Variants in DLG3 observed in about 807,000 individuals in gnomAD.
DLG3 encodes the protein discs large MAGUK scaffold protein 3, also known as disks large homolog 3.
DLG3 carries 1 observed loss-of-function variant against 64.1 expected under a neutral mutation model. That is an observed-to-expected ratio of 0.02 (90% CI 0.01 to 0.07). The LOEUF (loss-of-function observed/expected upper bound fraction) is 0.07. DLG3 is among the 10% of genes least tolerant of loss of function. The pLI is 1.00. For synonymous variants in DLG3, 245 were observed against 259.8 expected (o/e 0.94, Z 0.55); for missense variants, 429 against 669.5 (o/e 0.64, Z 3.96).
chrX:70,467,103 A>G (rs185691807), intron 9 of DLG3, among the ~76,000 whole-genome samples: 14 of 110,583 alleles, frequency 1.3e-4, no homozygotes, highest in Admixed American at 6.8e-4. Flanking sequence ...TTTTGTAGAG[A>G]TGGGGTCTCA....
rs2087623432 is a variant in DLG3 at position 70,504,686 on chromosome X, G to A, written c.*2417G>A. On this transcript the variant is annotated 3_prime_UTR_variant, in exon 19 of 19. Coordinates refer to ENST00000374360, the MANE Select transcript of DLG3 (RefSeq NM_021120.4). ...AAGGTGGGAGAGGCCTGCTGTAGCA[G>A]AGGTGTGTGTTAGAGAAAGCAGGGG... is the stretch of plus-strand genomic sequence containing the variant. The A allele has an allele frequency of 8.9e-6, 1 of 112,398 alleles. No homozygotes were observed. The highest frequency in any genetic ancestry group is 3.7e-4 in the South Asian group (1 of 2,704). The allele number at this position is 112,398 out of a possible 1,213,427, so 9.3% of individuals were successfully genotyped here.
chrX:70,476,166 G>C (rs943720477), intron 9 of DLG3, among the ~76,000 whole-genome samples: 2 of 111,896 alleles, frequency 1.8e-5, no homozygotes, highest in Non-Finnish European at 3.8e-5. Context: ...GTTTCTCTGT[G>C]ATTAGCAACT....
At chrX:70,497,499 C>A (rs143961975) in intron 13 of DLG3, among the ~76,000 whole-genome samples, 3 of 112,480 alleles carry the variant, frequency 2.7e-5, no homozygotes, top group African/African-American at 9.7e-5. Context: ...AAGAGTAAAT[C>A]CCTGCCATGG....
chrX:70,454,948 A>C (rs1478219597), intron 9 of DLG3: 9 of 579,877 alleles, frequency 1.6e-5, no homozygotes, highest in Non-Finnish European at 1.7e-5. Context: ...GCTGGGGCCA[A>C]CCGAGGCCCA....
chrX:70,460,294 A>C (rs1169884689), intron 9 of DLG3, among the ~76,000 whole-genome samples: 5 of 108,701 alleles, frequency 4.6e-5, no homozygotes, highest in Admixed American at 9.9e-5. Context: ...AAAAAAAAAA[A>C]AAAAAAAAAA....
intron 9 of DLG3, among the ~76,000 whole-genome samples, chrX:70,466,748 A>T (rs1360137819): frequency 9.0e-6 from 1 of 110,826 alleles, no homozygotes; most frequent in East Asian, 2.8e-4. Flanking sequence ...CCTGTTTTTT[A>T]AATTTTATCT....
chrX:70,470,662 A>G (rs1285358646), intron 9 of DLG3, among the ~76,000 whole-genome samples: 4 of 112,456 alleles, frequency 3.6e-5, no homozygotes, highest in Middle Eastern at 9.2e-3. Flanking sequence ...TCCTGTCTCT[A>G]CAATATTTTC....
In DLG3 at chrX:70,451,881, G is replaced by A; in HGVS notation, c.1000G>A (p.Ala334Thr). The part of the protein sequence containing the change: ...PDYASTFTAL[A>T]DNHISHNSSL... ...CTTGATTCCAGCTTTTACTGCCTTG[G>A]CTGACAACCACATAAGCCATAATTC... The change falls in exon 7 of 19, where the codon GCT becomes ACT. Residue 334 changes from alanine (A) to threonine (T), a missense_variant. Physicochemically the swap from Ala to Thr is moderately conservative, Grantham distance 58. This residue lies in a region of DLG3 where 54 missense variants were observed against 54.4 expected (regional missense o/e 0.99). Coordinates refer to ENST00000374360, the MANE Select transcript of DLG3 (RefSeq NM_021120.4). 1 of 1,211,261 alleles carries A rather than the reference G, an allele frequency of 8.3e-7. No individual in the cohort carries two copies. The highest frequency in any genetic ancestry group is 2.3e-4 in the Middle Eastern group (1 of 4,351).
chrX:70,475,389 G>C (rs969192868), intron 9 of DLG3, among the ~76,000 whole-genome samples: 2 of 111,276 alleles, frequency 1.8e-5, no homozygotes, highest in African/African-American at 6.6e-5. Context: ...ACAGAGTCTT[G>C]CTCTGTCACC....
At chrX:70,477,355 G>A (rs956131586) in intron 9 of DLG3, among the ~76,000 whole-genome samples, 3 of 112,276 alleles carry the variant, frequency 2.7e-5, no homozygotes, top group Admixed American at 9.4e-5. Context: ...TGTCTCACAC[G>A]GTTCTGCCCA....
At chrX:70,480,285 G>A (rs1390745622) in intron 10 of DLG3, among the ~76,000 whole-genome samples, 1 of 112,027 alleles carries the variant, frequency 8.9e-6, no homozygotes, top group Non-Finnish European at 1.9e-5. Flanking sequence ...CTGTCCTTGG[G>A]GTGTGAGAGG....
intron 10 of DLG3, among the ~76,000 whole-genome samples, chrX:70,485,600 G>T (rs1370057615): frequency 8.9e-6 from 1 of 111,834 alleles, no homozygotes; most frequent in Non-Finnish European, 1.9e-5. Flanking sequence ...TGAGGCTATA[G>T]CGCTAAAATG....
At chrX:70,450,052 G>C (rs777608436) in intron 4 of DLG3, 117 bp from the exon 5 acceptor site, 7 of 1,044,384 alleles carry the variant, frequency 6.7e-6, no homozygotes, top group Non-Finnish European at 9.1e-6. Context: ...TGGATCCCCC[G>C]GGGGGAGCTC....
Position 70,498,570 on chromosome X carries a change from A to G in DLG3, c.1870A>G (p.Ile624Val). 5.8e-6 allele frequency: 7 copies of G among 1,204,904 alleles called. No individual in the cohort carries two copies. The highest frequency in any genetic ancestry group is 7.9e-6 in the Non-Finnish European group (7 of 891,185). Residue 624 changes from isoleucine to valine, a missense_variant and splice_region_variant, in exon 14 of 19, where the codon ATT becomes GTT. Physicochemically the swap from Ile to Val is conservative, Grantham distance 29. This residue lies in a region of DLG3 where 46 missense variants were observed against 64.4 expected (regional missense o/e 0.71). Coordinates refer to ENST00000374360, the MANE Select transcript of DLG3 (RefSeq NM_021120.4). ...LSYEPVTRQE[I>V]HYARPVIILG... ...ATATGAGCCAGTGACACGGCAAGAAAGTAAGCCTCCTCTGAGAGCCTTGTC... is the reference window on the plus strand; with the variant it reads ...ATATGAGCCAGTGACACGGCAAGAAGGTAAGCCTCCTCTGAGAGCCTTGTC...
In DLG3 at chrX:70,449,818, C is replaced by T. The variant is rs758870192; in HGVS notation, c.662C>T (p.Pro221Leu). 82 of 1,195,041 alleles carry T rather than the reference C, an allele frequency of 6.9e-5. No homozygotes were observed. The South Asian group carries it at 1.4e-3, about 20-fold the overall frequency. ...GTGGTGCGGAGGCGACAGCCTCCAC[C>T]CGAGACCATCATGGAGGTCAACCTG... ...RLVVRRRQPP[P>L]ETIMEVNLLK... The change falls in exon 4 of 19, where the codon CCC (proline) becomes CTC (leucine). Residue 221 changes from proline (P) to leucine (L), a missense_variant. By Grantham distance (98) the Pro-to-Leu change is moderately conservative. Transcript: ENST00000374360.
intron 4 of DLG3, 133 bp downstream of exon 4, chrX:70,449,992 T>G: frequency 1.0e-6 from 1 of 997,237 alleles, no homozygotes; most frequent in Admixed American, 2.6e-5. Context: ...AGCCTACTTT[T>G]TTGACCTCAG....
chrX:70,479,135 T>A lies in DLG3; in HGVS notation c.1406-15T>A. 8.4e-7 allele frequency: 1 copy of A among 1,189,550 alleles called. No individual in the cohort carries two copies. The highest frequency in any genetic ancestry group is 1.1e-6 in the Non-Finnish European group (1 of 875,209). On this transcript the variant is annotated splice_polypyrimidine_tract_variant and intron_variant, in intron 9 of 18. Transcript: ENST00000374360. ...GTTCATTCTTTTCCCATCTTTTCCC[T>A]TGTTTCCGTGACAGAATACAGTCGC...
chrX:70,470,963 G>A (rs1453029261), intron 9 of DLG3, among the ~76,000 whole-genome samples: 4 of 111,236 alleles, frequency 3.6e-5, no homozygotes, highest in Admixed American at 2.9e-4. Context: ...GAAGTGGTTC[G>A]TGGTTTTGTT....
intron 7 of DLG3, chrX:70,452,899 G>A: frequency 1.8e-6 from 1 of 566,596 alleles, no homozygotes; most frequent in South Asian, 4.0e-5. Flanking sequence ...GAAGGCGGTG[G>A]GCCGGGAACG....
Sources: allele counts gnomAD v4.1 joint callset (sites outside exome capture counted in the v4.1 genomes callset), GRCh38; gene constraint gnomAD v4.1.1; regional missense constraint gnomAD v4.1.1; transcripts MANE v1.5; gene names NCBI Gene and HGNC (gene_info 2026-07-23, HGNC 2026-07-21).